Variants in MYO5B observed in about 807,000 individuals in gnomAD.
MYO5B encodes the protein unconventional myosin-Vb.
In MYO5B, 143 loss-of-function variants were observed where a neutral mutation model predicts 229.3. The observed-to-expected ratio is 0.62, with a 90% confidence interval of 0.54 to 0.72. The LOEUF is 0.72. MYO5B is among the 30% of genes least tolerant of loss of function. The probability of loss-of-function intolerance (pLI) is 0.00; values close to 1 mark genes in which losing one functional copy is unlikely to be tolerated. For missense variants in MYO5B, 2,321 were observed against 2,331.0 expected (o/e 1.00, Z 0.09); for synonymous variants, 918 against 885.2 (o/e 1.04, Z -0.66).
intron 29 of MYO5B, among the ~76,000 whole-genome samples, chr18:49,863,011 G>A (rs1001635236): frequency 1.3e-5 from 2 of 151,388 alleles, no homozygotes; most frequent in African/African-American, 4.9e-5. Context: ...ATCCTTTTCA[G>A]GGGACCTGGG....
chr18:49,992,964 T>A (rs1036781395), intron 5 of MYO5B, among the ~76,000 whole-genome samples: 1 of 152,148 alleles, frequency 6.6e-6, no homozygotes, highest in African/African-American at 2.4e-5. Flanking sequence ...AACTGACAAA[T>A]AATACCTTCC....
intron 17 of MYO5B, among the ~76,000 whole-genome samples, chr18:49,921,702 TG>T (rs1157645237): frequency 6.6e-6 from 1 of 152,098 alleles, no homozygotes; most frequent in African/African-American, 2.4e-5. Flanking sequence ...TTTATTAATT[TG>T]GGGAAGGGGG....
chr18:50,153,810 T>C (rs1322999227), intron 1 of MYO5B, among the ~76,000 whole-genome samples: 6 of 151,958 alleles, frequency 3.9e-5, no homozygotes, highest in African/African-American at 1.2e-4. Flanking sequence ...AGTGAGTGAG[T>C]GAGCGAGCGG....
Position 49,872,158 on chromosome 18 carries a change from G to T in MYO5B, c.3603+9C>A. On this transcript the variant is annotated intron_variant, in intron 27 of 39. Coordinates refer to ENST00000285039, the MANE Select transcript of MYO5B (RefSeq NM_001080467.3). The stretch of plus-strand genomic sequence containing the variant: ...GTGTTCCAGGAAGCCTGTCCCCCAA[G>T]AATCTTACCTTCAGACTATTGTAGG... 6.2e-7 allele frequency: 1 copy of T among 1,613,748 alleles called. No individual in the cohort carries two copies. Among genetic ancestry groups the T allele is most frequent in the South Asian group, 1.1e-5 (1 of 91,054 alleles).
In MYO5B at chr18:49,864,373, T is replaced by C; in HGVS notation, c.3611A>G (p.Glu1204Gly). Residue 1204 changes from glutamate (E) to glycine (G), a missense_variant, in exon 28 of 40, where the codon GAG (glutamate) becomes GGG (glycine). Glu to Gly is a moderately conservative substitution (Grantham distance 98). This residue lies in a region of MYO5B where 2,113 missense variants were observed against 2,044.7 expected (regional missense o/e 1.03). Coordinates refer to ENST00000285039, the MANE Select transcript of MYO5B (RefSeq NM_001080467.3). Reference sequence around the variant, plus strand: ...CAGCTTTTTGTTCTCTGACTCCAGCTCTTGCCTCTGGAAGACAGCCCAAGG... The same window carrying C: ...CAGCTTTTTGTTCTCTGACTCCAGCCCTTGCCTCTGGAAGACAGCCCAAGG... ...DLAYNSLKRQ[E>G]LESENKKLKN... is the part of the protein sequence containing the mutation. 6.2e-7 allele frequency: 1 copy of C among 1,613,366 alleles called. No individual in the cohort carries two copies. The highest frequency in any genetic ancestry group is 8.5e-7 in the Non-Finnish European group (1 of 1,180,042).
chr18:50,167,803 T>C (rs2144329553), intron 1 of MYO5B, among the ~76,000 whole-genome samples: 1 of 152,292 alleles, frequency 6.6e-6, no homozygotes, highest in East Asian at 1.9e-4. Context: ...AAGCAATATA[T>C]AAACCTGAAT....
At chr18:50,091,584 A>G (rs947635765) in intron 1 of MYO5B, among the ~76,000 whole-genome samples, 3 of 152,166 alleles carry the variant, frequency 2.0e-5, no homozygotes, top group Admixed American at 2.0e-4. Flanking sequence ...GTAGCCCCGA[A>G]ACTTCAACCC....
rs1184650219 is a variant in MYO5B, at chr18:50,103,190, C to CTCAA, written c.28-47816_28-47813dup. On this transcript the variant is annotated intron_variant, in intron 1 of 39. Transcript: ENST00000285039. ...CTGGGCATTTTGGCAAAGCCATGAC[C>CTCAA]TCAACAGTGGACCAAAAGGTCCTAA... 1.1e-4 allele frequency among the ~76,000 whole-genome samples: 16 copies of CTCAA among 152,356 alleles called. 1 individual carries two copies. The South Asian group carries it at 3.3e-3, about 32-fold the overall frequency.
intron 16 of MYO5B, among the ~76,000 whole-genome samples, chr18:49,935,276 A>G (rs1300971588): frequency 6.6e-6 from 1 of 152,198 alleles, no homozygotes; most frequent in Non-Finnish European, 1.5e-5. Context: ...TCCAAAATAA[A>G]TTAAAATGAA....
chr18:49,878,975 G>A lies in MYO5B; in HGVS notation c.3246C>T (p.Asp1082=). The change falls in exon 24 of 40, where the codon GAC becomes GAT. Residue 1082 remains aspartate (D), a synonymous_variant. Transcript: ENST00000285039. ...KEYSQLEQRY[D]NLRDEMTIIK... is the part of the protein sequence containing the mutation. ...TGATGGTCATTTCATCCCGAAGGTT[G>A]TCGTATCTCTGCTCCAACTGTGAAT... is the stretch of plus-strand genomic sequence containing the variant. 1 of 1,614,166 alleles carries A rather than the reference G, an allele frequency of 6.2e-7. No homozygotes were observed. The highest frequency in any genetic ancestry group is 1.1e-5 in the South Asian group (1 of 91,076).
intron 1 of MYO5B, among the ~76,000 whole-genome samples, chr18:50,103,919 T>A (rs571780887): frequency 2.6e-5 from 4 of 151,860 alleles, no homozygotes; most frequent in South Asian, 4.2e-4. Flanking sequence ...GTTTACAAAT[T>A]ATGTTAAATG....
At chr18:49,904,977 C>A (rs2024883630) in intron 19 of MYO5B, 149 bp from the exon 20 acceptor site, 1 of 909,800 alleles carries the variant, frequency 1.1e-6, no homozygotes, top group South Asian at 1.4e-5. Flanking sequence ...TCACCCCTAA[C>A]AAATGTAGCA....
intron 5 of MYO5B, among the ~76,000 whole-genome samples, chr18:49,993,529 C>T (rs1019758864): frequency 9.9e-5 from 15 of 152,084 alleles, no homozygotes; most frequent in South Asian, 2.1e-4. Context: ...TACAGGGAGG[C>T]GCTGAGTTAT....
chr18:49,979,285 C>T (rs1170394188), intron 9 of MYO5B, among the ~76,000 whole-genome samples: 1 of 152,336 alleles, frequency 6.6e-6, no homozygotes, highest in Middle Eastern at 3.4e-3. Context: ...CCAGCACCAA[C>T]ACCTCCTCCT....
intron 4 of MYO5B, among the ~76,000 whole-genome samples, chr18:50,012,227 A>G (rs17801759): frequency 0.17 from 25,657 of 152,208 alleles, 2,222 homozygotes; most frequent in East Asian, 0.24. Flanking sequence ...GCACTGCTAC[A>G]GACTCAGCTT....
chr18:49,996,325 GTTAC>G (rs754231126), intron 5 of MYO5B, among the ~76,000 whole-genome samples: 1 of 152,156 alleles, frequency 6.6e-6, no homozygotes, highest in South Asian at 2.1e-4. Flanking sequence ...ACTTCTAGGT[GTTAC>G]TTAGAGAAAT....
At chr18:49,852,471 A>C (rs754318149) in intron 31 of MYO5B, among the ~76,000 whole-genome samples, 6 of 152,206 alleles carry the variant, frequency 3.9e-5, no homozygotes, top group Admixed American at 1.3e-4. Flanking sequence ...TGTAAGTGCT[A>C]TTCAGCTGTG....
intron 1 of MYO5B, among the ~76,000 whole-genome samples, chr18:50,121,245 C>A (rs1056273690): frequency 1.3e-5 from 2 of 152,182 alleles, no homozygotes; most frequent in South Asian, 2.1e-4. Context: ...CCAAAGCTTG[C>A]GTTATCTGTC....
Position 49,974,335 on chromosome 18 carries a change from A to G in MYO5B, c.1322+15T>C, listed in dbSNP as rs755928496. 4.3e-6 allele frequency: 7 copies of G among 1,614,224 alleles called. No homozygotes were observed. Among genetic ancestry groups the G allele is most frequent in the Non-Finnish European group, 5.1e-6 (6 of 1,180,022 alleles). ...TCCCAGGTAGCAGATAGAGCGAGACAGGCGGCAGGCCTACCCATAGATGTC... is the reference window on the plus strand; with the variant it reads ...TCCCAGGTAGCAGATAGAGCGAGACGGGCGGCAGGCCTACCCATAGATGTC... On this transcript the variant is annotated intron_variant, in intron 10 of 39. Transcript: ENST00000285039.
Sources: allele counts gnomAD v4.1 joint callset (sites outside exome capture counted in the v4.1 genomes callset), GRCh38; gene constraint gnomAD v4.1.1; regional missense constraint gnomAD v4.1.1; transcripts MANE v1.5; gene names NCBI Gene and HGNC (gene_info 2026-07-23, HGNC 2026-07-21).